The following DCDC1 variants were observed in gnomAD, a reference collection of about 807,000 sequenced individuals.
DCDC1 encodes doublecortin domain containing 1, also known as doublecortin domain-containing protein 1.
Under a neutral mutation model 178.3 loss-of-function variants are expected in DCDC1, and 200 were observed. That is an observed-to-expected ratio of 1.12 (90% CI 1.00 to 1.26). The LOEUF is 1.26. Ranked by LOEUF, DCDC1 falls within the 50% of genes most tolerant of loss-of-function variation. DCDC1 has a pLI of 0.00. For synonymous variants in DCDC1, 690 were observed against 604.8 expected (o/e 1.14, Z -2.07); for missense variants, 1,983 against 1,749.2 (o/e 1.13, Z -2.38).
intron 37 of DCDC1, among the ~76,000 whole-genome samples, chr11:30,880,899 C>A (rs1942599186): frequency 6.6e-6 from 1 of 152,126 alleles, no homozygotes. Flanking sequence ...TCAAATGAGG[C>A]TCTCAGTATT....
intron 3 of DCDC1, among the ~76,000 whole-genome samples, chr11:31,312,272 G>A (rs1447030020): frequency 6.6e-6 from 1 of 152,086 alleles, no homozygotes; most frequent in African/African-American, 2.4e-5. Context: ...GTCAGACACT[G>A]TTCTAAGCAT....
intron 1 of DCDC1, among the ~76,000 whole-genome samples, chr11:31,341,382 T>G (rs940230003): frequency 6.7e-4 from 90 of 134,790 alleles, no homozygotes; most frequent in African/African-American, 2.3e-3. Flanking sequence ...ATTCCAGTTT[T>G]ATAGATAGAT....
At chr11:31,311,401 AGAT>A (rs757717506) in intron 3 of DCDC1, among the ~76,000 whole-genome samples, 22 of 152,242 alleles carry the variant, frequency 1.4e-4, no homozygotes, top group Non-Finnish European at 3.1e-4. Context: ...TGGCACACTA[AGAT>A]GAGCAGAGAC....
intron 11 of DCDC1, among the ~76,000 whole-genome samples, chr11:31,113,300 G>GT (rs796921842): frequency 6.6e-6 from 1 of 151,782 alleles, no homozygotes; most frequent in South Asian, 2.1e-4. Context: ...TTGTTTGTTT[G>GT]TTTTTTTATT....
At chr11:31,193,804 G>C (rs992188654) in intron 9 of DCDC1, among the ~76,000 whole-genome samples, 4 of 152,100 alleles carry the variant, frequency 2.6e-5, no homozygotes, top group Non-Finnish European at 2.9e-5. Flanking sequence ...CACACAGAGA[G>C]TTGCTTACTT....
chr11:30,945,775 T>C (rs1320169094), intron 21 of DCDC1, among the ~76,000 whole-genome samples: 2 of 152,066 alleles, frequency 1.3e-5, no homozygotes, highest in African/African-American at 4.8e-5. Flanking sequence ...TATCTATAGA[T>C]AGATATGCAC....
intron 7 of DCDC1, among the ~76,000 whole-genome samples, chr11:31,287,228 C>T (rs1425278739): frequency 6.9e-6 from 1 of 145,460 alleles, no homozygotes. Flanking sequence ...CAAAACAAAA[C>T]AAACAAACAA....
intron 9 of DCDC1, among the ~76,000 whole-genome samples, chr11:31,189,337 A>G (rs1179682995): frequency 6.6e-6 from 1 of 152,142 alleles, no homozygotes; most frequent in Non-Finnish European, 1.5e-5. Context: ...AGTCTAACAA[A>G]TGTAACTTCT....
Position 31,305,605 on chromosome 11 carries a change from T to C in DCDC1, c.754+10A>G. 6.2e-7 allele frequency: 1 copy of C among 1,612,838 alleles called. No individual in the cohort carries two copies. Among genetic ancestry groups the C allele is most frequent in the Non-Finnish European group, 8.5e-7 (1 of 1,179,324 alleles). Reference sequence around the variant, plus strand: ...GTGTGGGGGTAGGGTATTTTTTAGATCTTTTTTACCTTTAATTTTTTTGAA... The same window carrying C: ...GTGTGGGGGTAGGGTATTTTTTAGACCTTTTTTACCTTTAATTTTTTTGAA... On this transcript the variant is annotated intron_variant, in intron 6 of 38. Transcript: ENST00000684477.
At chr11:31,141,953 A>G (rs1324305141) in intron 9 of DCDC1, among the ~76,000 whole-genome samples, 4 of 152,228 alleles carry the variant, frequency 2.6e-5, no homozygotes, top group African/African-American at 7.2e-5. Flanking sequence ...AAACAAGTCA[A>G]TAACTCATTG....
intron 10 of DCDC1, among the ~76,000 whole-genome samples, chr11:31,136,478 G>T (rs1045982385): frequency 6.6e-6 from 1 of 152,002 alleles, no homozygotes; most frequent in African/African-American, 2.4e-5. Context: ...ATTTACACAG[G>T]AAAATTTGGT....
rs558471273 is a variant in DCDC1, at chr11:30,925,519, G to GGAC, written c.2898-114_2898-112dup. ...ATCCATAATGACAACTCTCTCTGCA[G>GGAC]GACTGTTAGTCATGAGCTGGACTCT... On this transcript the variant is annotated intron_variant, in intron 22 of 38. Coordinates refer to ENST00000684477, the MANE Select transcript of DCDC1 (RefSeq NM_001387274.1). The GGAC allele has an allele frequency of 2.3e-5, 21 of 908,466 alleles. No homozygotes were observed. In the South Asian group the frequency reaches 3.1e-4, roughly 14 times the overall value. The allele number at this position is 908,466 out of a possible 1,614,324, so 56.3% of individuals were successfully genotyped here. A position where few individuals can be genotyped will look rare whatever the true frequency, so the allele number is the denominator to read the frequency against.
chr11:31,235,097 A>G (rs1976287486), intron 9 of DCDC1, among the ~76,000 whole-genome samples: 1 of 152,168 alleles, frequency 6.6e-6, no homozygotes, highest in Non-Finnish European at 1.5e-5. Context: ...TCATCTAACT[A>G]AAGAAGGATA....
At chr11:30,903,889 T>C (rs975617845) in intron 31 of DCDC1, 5 of 380,608 alleles carry the variant, frequency 1.3e-5, no homozygotes, top group Middle Eastern at 1.4e-3. Context: ...AGTAGTCCAA[T>C]CCAGCTGTAA....
chr11:31,118,967 T>C (rs1031030344), intron 11 of DCDC1, among the ~76,000 whole-genome samples: 1 of 152,154 alleles, frequency 6.6e-6, no homozygotes, highest in Non-Finnish European at 1.5e-5. Context: ...TGACTGCAGA[T>C]GCCTGTCAGA....
chr11:30,943,050 C>T (rs577846085), intron 21 of DCDC1, among the ~76,000 whole-genome samples: 4 of 152,160 alleles, frequency 2.6e-5, no homozygotes, highest in African/African-American at 4.8e-5. Context: ...GTTCTTCTCC[C>T]TCCATTTTCT....
chr11:31,214,553 G>A (rs975626630), intron 9 of DCDC1, among the ~76,000 whole-genome samples: 7 of 152,058 alleles, frequency 4.6e-5, no homozygotes, highest in African/African-American at 9.7e-5. Flanking sequence ...CGCCCTCAAT[G>A]AGCATTATGC....
intron 20 of DCDC1, among the ~76,000 whole-genome samples, chr11:31,039,734 A>C (rs1436006185): frequency 2.0e-5 from 3 of 152,208 alleles, no homozygotes; most frequent in African/African-American, 4.8e-5. Flanking sequence ...TTATGCCATA[A>C]AATTTTTACA....
chr11:30,942,237 C>A (rs1233958291), intron 21 of DCDC1, among the ~76,000 whole-genome samples: 1 of 152,074 alleles, frequency 6.6e-6, no homozygotes, highest in East Asian at 1.9e-4. Context: ...TGAAATTGGC[C>A]TGTTGTATAA....
Sources: allele counts gnomAD v4.1 joint callset (sites outside exome capture counted in the v4.1 genomes callset), GRCh38; gene constraint gnomAD v4.1.1; transcripts MANE v1.5; gene names NCBI Gene and HGNC (gene_info 2026-07-23, HGNC 2026-07-21).